PRKACB: variants seen among roughly 807,000 people sequenced by gnomAD.
PRKACB encodes the protein protein kinase cAMP-activated catalytic subunit beta.
PRKACB carries 16 observed loss-of-function variants against 51.4 expected under a neutral mutation model. That is an observed-to-expected ratio of 0.31 (90% CI 0.21 to 0.47). PRKACB has a LOEUF of 0.47. Among genes scored for constraint, PRKACB ranks in the 20% least tolerant of loss-of-function variants. The pLI, the probability that PRKACB is intolerant of heterozygous loss-of-function variation, is 1.00. For synonymous variants in PRKACB, 147 were observed against 154.4 expected, an observed-to-expected ratio of 0.95 and a Z score of 0.35; for missense variants, 309 against 464.5, an observed-to-expected ratio of 0.67 and a Z score of 3.08.
chr1:84,098,492 A>T lies in PRKACB; in HGVS notation c.46+20121A>T, dbSNP rs1381362179. ...TAGGTCTGCTTGCATGTCTCAGAGC[A>T]GTAGAAAGCAATATTATCAGTTGTG... On this transcript the variant is annotated intron_variant, in intron 1 of 8. Coordinates refer to the PRKACB transcript ENST00000370688. Among the ~76,000 whole-genome samples the T allele has an allele frequency of 2.0e-5, 3 of 152,092 alleles. No homozygotes were observed. In the East Asian group the frequency reaches 5.8e-4, roughly 29 times the overall value.
At chr1:84,201,092 G>A (rs952080261) in intron 7 of PRKACB, among the ~76,000 whole-genome samples, 2 of 151,928 alleles carry the variant, frequency 1.3e-5, no homozygotes, top group Non-Finnish European at 2.9e-5. Flanking sequence ...ACTGGGTCAA[G>A]GAATAGGAAC....
Position 84,095,696 on chromosome 1 carries a change from A to G in PRKACB, c.46+17325A>G, listed in dbSNP as rs185494862. On this transcript the variant is annotated intron_variant, in intron 1 of 8. Coordinates refer to the PRKACB transcript ENST00000370688. ...TCATTTATTTAAGACAGTTTTCAAT[A>G]AGCATATCTTAATATGTTGCCTCTA... is the stretch of plus-strand genomic sequence containing the variant. Among the ~76,000 whole-genome samples the G allele has an allele frequency of 1.9e-3, 289 of 152,034 alleles. 5 individuals carry two copies. Among genetic ancestry groups the G allele is most frequent in the Non-Finnish European group, 9.6e-4 (65 of 67,894 alleles).
Position 84,190,108 on chromosome 1 carries a change from T to C in PRKACB, c.560+4926T>C, listed in dbSNP as rs1013181016. 4.6e-5 allele frequency among the ~76,000 whole-genome samples: 7 copies of C among 151,920 alleles called. 1 individual carries two copies. The highest frequency in any genetic ancestry group is 4.6e-4 in the Admixed American group (7 of 15,256). On this transcript the variant is annotated intron_variant, in intron 5 of 9. Transcript: ENST00000370685. Reference sequence around the variant, plus strand: ...AAAATATTTACCACCTAATATACTTTTCATACAACATATTTTTTTCTTACA... The same window carrying C: ...AAAATATTTACCACCTAATATACTTCTCATACAACATATTTTTTTCTTACA...
chr1:84,091,218 C>G (rs554589209), intron 1 of PRKACB, among the ~76,000 whole-genome samples: 115 of 152,064 alleles, frequency 7.6e-4, no homozygotes, highest in Non-Finnish European at 1.4e-3. Flanking sequence ...GAAAAATGTT[C>G]TTTTTCTGCT....
intron 1 of PRKACB, among the ~76,000 whole-genome samples, chr1:84,136,440 C>A (rs1330735256): frequency 6.7e-6 from 1 of 149,936 alleles, no homozygotes; most frequent in Admixed American, 6.7e-5. Context: ...TGTCAAATTG[C>A]AAATTAAAAA....
intron 9 of PRKACB, among the ~76,000 whole-genome samples, chr1:84,234,173 C>G (rs1287207912): frequency 2.2e-4 from 33 of 151,902 alleles, no homozygotes; most frequent in Non-Finnish European, 4.4e-5. Flanking sequence ...GTACCTGGCC[C>G]TATGAGGTGT....
intron 3 of PRKACB, among the ~76,000 whole-genome samples, chr1:84,182,785 T>C (rs1472704): frequency 0.43 from 65,515 of 151,514 alleles, 15,756 homozygotes; most frequent in Non-Finnish European, 0.56. Flanking sequence ...ACCTGGGCAT[T>C]TTGGTTTCTG....
chr1:84,182,080 G>A (rs1189645440), intron 2 of PRKACB, 120 bp from the exon 3 acceptor site: 4 of 745,048 alleles, frequency 5.4e-6, no homozygotes, highest in Non-Finnish European at 7.6e-6. Context: ...TTTTTGTATT[G>A]CATTTAAATG....
At chr1:84,105,007 G>A (rs1338786843) in intron 1 of PRKACB, among the ~76,000 whole-genome samples, 1 of 152,068 alleles carries the variant, frequency 6.6e-6, no homozygotes, top group Non-Finnish European at 1.5e-5. Flanking sequence ...TCTCAAGTGG[G>A]ACTCTCCTTG....
chr1:84,169,387 A>C (rs1658622328), intron 1 of PRKACB, among the ~76,000 whole-genome samples: 1 of 151,700 alleles, frequency 6.6e-6, no homozygotes, highest in African/African-American at 2.4e-5. Flanking sequence ...GGAATGGAAA[A>C]GAAGCATAAT....
intron 1 of PRKACB, among the ~76,000 whole-genome samples, chr1:84,087,604 C>G (rs1215928467): frequency 6.6e-6 from 1 of 151,608 alleles, no homozygotes; most frequent in African/African-American, 2.4e-5. Flanking sequence ...ACTGTGTTGC[C>G]CAGGCTGGAC....
chr1:84,215,254 T>C (rs921969777), intron 9 of PRKACB, among the ~76,000 whole-genome samples: 3 of 152,186 alleles, frequency 2.0e-5, no homozygotes, highest in Admixed American at 2.0e-4. Flanking sequence ...TTTTTCCAAA[T>C]AGTTATCAGG....
intron 5 of PRKACB, among the ~76,000 whole-genome samples, chr1:84,191,191 G>A (rs1013709020): frequency 6.6e-6 from 1 of 152,116 alleles, no homozygotes; most frequent in African/African-American, 2.4e-5. Context: ...ACTCCCTTAA[G>A]GACCACTTGT....
chr1:84,207,674 A>C (rs1387093845), intron 8 of PRKACB, among the ~76,000 whole-genome samples: 6 of 152,200 alleles, frequency 3.9e-5, no homozygotes, highest in Admixed American at 3.9e-4. Context: ...TGAGTCATGT[A>C]AGCCTAATAA....
chr1:84,186,278 G>A (rs1376652872), intron 5 of PRKACB, among the ~76,000 whole-genome samples: 3 of 151,968 alleles, frequency 2.0e-5, no homozygotes, highest in African/African-American at 7.2e-5. Flanking sequence ...GAGTACAGCG[G>A]CACCATTTCG....
At chr1:84,226,432 A>AC (rs910475169) in intron 9 of PRKACB, among the ~76,000 whole-genome samples, 13 of 151,518 alleles carry the variant, frequency 8.6e-5, no homozygotes, top group Admixed American at 5.3e-4. Context: ...GTTTTAGAGA[A>AC]CCCCCCTTCC....
chr1:84,123,922 A>T (rs1267834576), intron 1 of PRKACB, among the ~76,000 whole-genome samples: 1 of 152,156 alleles, frequency 6.6e-6, no homozygotes, highest in East Asian at 1.9e-4. Flanking sequence ...TACACTCAAT[A>T]ATATTAAATT....
At chr1:84,150,374 A>C (rs1463790186) in intron 1 of PRKACB, among the ~76,000 whole-genome samples, 1 of 152,234 alleles carries the variant, frequency 6.6e-6, no homozygotes, top group Non-Finnish European at 1.5e-5. Context: ...AATTAAAAAT[A>C]TAATGGCCCA....
At chr1:84,185,235 C>A in intron 5 of PRKACB, 53 bp downstream of exon 5, 2 of 1,335,830 alleles carry the variant, frequency 1.5e-6, no homozygotes, top group South Asian at 1.5e-5. Flanking sequence ...GTTGTTTAAC[C>A]AGATTTTTAA....
Sources: gnomAD v4.1 joint callset for allele counts (sites outside exome capture counted in the v4.1 genomes callset) on GRCh38, gnomAD v4.1.1 for gene constraint, MANE v1.5 for transcripts, NCBI Gene and HGNC (gene_info 2026-07-23, HGNC 2026-07-21) for gene names.